Variants in SHISA9 observed in about 807,000 individuals in gnomAD.
SHISA9 encodes protein shisa-9.
In SHISA9, 13 loss-of-function variants were observed where a neutral mutation model predicts 38.0. The observed-to-expected ratio is 0.34, with a 90% confidence interval of 0.22 to 0.54. The LOEUF (loss-of-function observed/expected upper bound fraction) is 0.54. SHISA9 is among the 20% of genes least tolerant of loss of function. The probability of loss-of-function intolerance (pLI) is 0.91; values close to 1 mark genes in which losing one functional copy is unlikely to be tolerated. For synonymous variants in SHISA9, 275 were observed against 242.0 expected (o/e 1.14, Z -1.27); for missense variants, 538 against 575.8 (o/e 0.93, Z 0.67).
intron 1 of SHISA9, chr16:12,909,411 A>G: frequency 2.6e-5 from 26 of 985,472 alleles, no homozygotes; most frequent in Non-Finnish European, 3.1e-5. Context: ...CAAGTGTTTA[A>G]AAGTCAACAC....
chr16:13,096,223 A>G (rs1381896058), intron 2 of SHISA9, among the ~76,000 whole-genome samples: 4 of 152,202 alleles, frequency 2.6e-5, no homozygotes, highest in East Asian at 1.9e-4. Flanking sequence ...GGCCTTGTTT[A>G]TAGTAGACAC....
At chr16:13,048,729 A>G (rs947350875) in intron 2 of SHISA9, among the ~76,000 whole-genome samples, 4 of 152,212 alleles carry the variant, frequency 2.6e-5, no homozygotes, top group African/African-American at 4.8e-5. Flanking sequence ...GCTGACTTAC[A>G]GCATTTTTTA....
At chr16:13,258,936 T>A in the SHISA9 span, among the ~76,000 whole-genome samples, 1 of 152,120 alleles carries the variant, frequency 6.6e-6, no homozygotes, top group Non-Finnish European at 1.5e-5. Context: ...CAATCTCATG[T>A]CTTCACATTT....
the SHISA9 span, among the ~76,000 whole-genome samples, chr16:13,296,891 CAAAAAAAAAAAAAAAAA>C: frequency 1.5e-4 from 4 of 26,606 alleles, no homozygotes; most frequent in South Asian, 6.6e-3. Flanking sequence ...AACTCCATCT[CAAAAAAAAAAAAAAAAA>C]AAAAAAAAAA....
At chr16:12,995,864 G>C (rs1002830976) in intron 2 of SHISA9, among the ~76,000 whole-genome samples, 4 of 152,182 alleles carry the variant, frequency 2.6e-5, no homozygotes, top group African/African-American at 9.7e-5. Context: ...TGAAATTCCT[G>C]CTTTCATAAT....
chr16:13,390,522 TCTCA>T, the SHISA9 span, among the ~76,000 whole-genome samples: 1 of 152,198 alleles, frequency 6.6e-6, no homozygotes, highest in African/African-American at 2.4e-5. Context: ...CTGTGATCTT[TCTCA>T]CTCTGCTGCT....
chr16:13,122,969 C>G (rs1419457024), intron 2 of SHISA9, among the ~76,000 whole-genome samples: 1 of 151,346 alleles, frequency 6.6e-6, no homozygotes, highest in Non-Finnish European at 1.5e-5. Context: ...ATTGCTTGAA[C>G]CCGGGAAGCG....
intron 2 of SHISA9, among the ~76,000 whole-genome samples, chr16:13,066,311 A>G (rs2073434286): frequency 6.6e-6 from 1 of 152,140 alleles, no homozygotes; most frequent in Non-Finnish European, 1.5e-5. Context: ...CTGCAGCATA[A>G]CCTAATGAAT....
the SHISA9 span, among the ~76,000 whole-genome samples, chr16:13,561,527 C>G: frequency 1.3e-5 from 2 of 152,220 alleles, no homozygotes; most frequent in Admixed American, 6.5e-5. Flanking sequence ...AGAGGGTTTA[C>G]AGCAAAATCA....
the SHISA9 span, among the ~76,000 whole-genome samples, chr16:13,442,835 G>T: frequency 6.6e-6 from 1 of 152,172 alleles, no homozygotes; most frequent in African/African-American, 2.4e-5. Flanking sequence ...TGGATGGCTG[G>T]TGGAAGGGTG....
At chr16:13,301,071 C>T in the SHISA9 span, among the ~76,000 whole-genome samples, 3 of 152,046 alleles carry the variant, frequency 2.0e-5, no homozygotes, top group East Asian at 5.8e-4. Context: ...GCGGATTCAC[C>T]CTTCCTTAAA....
intron 2 of SHISA9, among the ~76,000 whole-genome samples, chr16:13,192,805 G>C (rs1164849508): frequency 6.6e-6 from 1 of 152,084 alleles, no homozygotes; most frequent in Non-Finnish European, 1.5e-5. Flanking sequence ...AACCCCAGAG[G>C]TGGAGGTTGC....
intron 2 of SHISA9, among the ~76,000 whole-genome samples, chr16:13,097,291 C>T (rs1180570322): frequency 1.3e-5 from 2 of 152,100 alleles, no homozygotes; most frequent in African/African-American, 4.8e-5. Flanking sequence ...TAGATCTGGC[C>T]TTAAACCCAG....
chr16:13,070,259 T>A (rs980320228), intron 2 of SHISA9, among the ~76,000 whole-genome samples: 2 of 152,160 alleles, frequency 1.3e-5, no homozygotes, highest in African/African-American at 4.8e-5. Context: ...CATGTTGCTC[T>A]GTCCCCCGGA....
the SHISA9 span, among the ~76,000 whole-genome samples, chr16:13,341,015 A>G: frequency 6.6e-6 from 1 of 152,196 alleles, no homozygotes; most frequent in Admixed American, 6.5e-5. Flanking sequence ...CACTAACCAC[A>G]GTTGTGATTA....
At chr16:13,126,525 G>C (rs2050257900) in intron 2 of SHISA9, among the ~76,000 whole-genome samples, 1 of 149,886 alleles carries the variant, frequency 6.7e-6, no homozygotes, top group Admixed American at 6.7e-5. Flanking sequence ...GAGAGATGGA[G>C]GGAGAGAGGG....
intron 2 of SHISA9, among the ~76,000 whole-genome samples, chr16:13,198,394 G>A (rs1001439980): frequency 2.6e-5 from 4 of 151,566 alleles, no homozygotes; most frequent in Non-Finnish European, 5.9e-5. Flanking sequence ...ATATATACTT[G>A]TATGTGTATG....
At chr16:13,009,573 C>A (rs936873000) in intron 2 of SHISA9, among the ~76,000 whole-genome samples, 1 of 152,182 alleles carries the variant, frequency 6.6e-6, no homozygotes, top group Non-Finnish European at 1.5e-5. Context: ...CTCCGAGGAA[C>A]CTGGCTGCAG....
chr16:13,430,875 T>C, the SHISA9 span, among the ~76,000 whole-genome samples: 1 of 151,416 alleles, frequency 6.6e-6, no homozygotes, highest in Non-Finnish European at 1.5e-5. Flanking sequence ...GCTATTATTG[T>C]GTCACTGCAC....
Sources: allele counts gnomAD v4.1 joint callset (sites outside exome capture counted in the v4.1 genomes callset), GRCh38; gene constraint gnomAD v4.1.1; transcripts MANE v1.5; gene names NCBI Gene and HGNC (gene_info 2026-07-23, HGNC 2026-07-21).